The following PLCD4 variants were observed in gnomAD, a reference collection of about 807,000 sequenced individuals.
PLCD4 encodes the protein 1-phosphatidylinositol 4,5-bisphosphate phosphodiesterase delta-4.
A neutral mutation model predicts 90.2 loss-of-function variants in PLCD4; 63 were observed. The ratio of observed to expected loss-of-function variants is 0.70; its 90% CI spans 0.57 to 0.86. The LOEUF (loss-of-function observed/expected upper bound fraction) is 0.86. Among genes scored for constraint, PLCD4 ranks in the 40% least tolerant of loss-of-function variants. The pLI is 0.00. For missense variants in PLCD4, 830 were observed against 956.3 expected (o/e 0.87, Z 1.74); for synonymous variants, 294 against 356.5 (o/e 0.82, Z 1.97).
intron 1 of PLCD4, 125 bp from the exon 2 acceptor site, chr2:218,615,582 T>A (rs1402643540): frequency 2.9e-6 from 2 of 682,516 alleles, no homozygotes; most frequent in Non-Finnish European, 4.7e-6. Context: ...CTTATGTGAT[T>A]TGAGGCAGGT....
intron 4 of PLCD4, among the ~76,000 whole-genome samples, chr2:218,620,918 A>G (rs1014547269): frequency 3.0e-5 from 4 of 132,596 alleles, no homozygotes; most frequent in African/African-American, 1.1e-4. Flanking sequence ...AAAAAAAAAA[A>G]GCTAAAGGAA....
intron 6 of PLCD4, 36 bp downstream of exon 6, chr2:218,622,914 G>A: frequency 6.4e-7 from 1 of 1,561,680 alleles, no homozygotes; most frequent in Non-Finnish European, 8.8e-7. Flanking sequence ...CCAGACATAG[G>A]GGTTGGAGAG....
chr2:218,614,344 G>A (rs981213630), intron 1 of PLCD4, among the ~76,000 whole-genome samples: 2 of 150,984 alleles, frequency 1.3e-5, no homozygotes, highest in African/African-American at 4.9e-5. Context: ...GTAGAGACAG[G>A]GTTTCACTGT....
rs2106167626 is a variant in PLCD4, at chr2:218,634,488, A to T, written c.1754A>T (p.Glu585Val). 6.2e-7 allele frequency: 1 copy of T among 1,613,970 alleles called. No homozygotes were observed. The highest frequency in any genetic ancestry group is 8.5e-7 in the Non-Finnish European group (1 of 1,179,854). ...VAMNMQTAGL[E>V]MDICDGHFRQ... ...ATGAATATGCAGACTGCAGGGCTTG[A>T]AATGGACATCTGTGATGGGCATTTC... Residue 585 changes from glutamate to valine, a missense_variant, in exon 13 of 16, where the codon GAA (glutamate) becomes GTA (valine). By Grantham distance (121) the Glu-to-Val change is moderately radical (BLOSUM62 -2). Coordinates refer to ENST00000450993, the MANE Select transcript of PLCD4 (RefSeq NM_032726.4). The surrounding 1 kb of genome is among the most constrained non-coding windows in gnomAD (Gnocchi z 4.0).
At chr2:218,624,057 A>T (rs1048975122) in intron 6 of PLCD4, among the ~76,000 whole-genome samples, 3 of 152,200 alleles carry the variant, frequency 2.0e-5, no homozygotes, top group African/African-American at 7.2e-5. Context: ...AAAGAGGAAA[A>T]CTGAGGTTTA....
At position 218,629,672 on chromosome 2, in the gene PLCD4, C is replaced by T; in HGVS notation, c.1119+9C>T. On this transcript the variant is annotated intron_variant, in intron 8 of 15. Transcript: ENST00000450993. ...CACAGTATGCCTTCCAGGTAGTAGCCCCAGGATGGGGACACTGGTGAGGCC... is the reference window on the plus strand; with the variant it reads ...CACAGTATGCCTTCCAGGTAGTAGCTCCAGGATGGGGACACTGGTGAGGCC... 6.2e-7 allele frequency: 1 copy of T among 1,610,384 alleles called. No homozygotes were observed. The highest frequency in any genetic ancestry group is 2.2e-5 in the East Asian group (1 of 44,786).
chr2:218,618,766 G>T lies in PLCD4; in HGVS notation c.369G>T (p.Val123=). The change falls in exon 4 of 16, where the codon GTG becomes GTT. Residue 123 remains valine (V), a synonymous_variant. Coordinates refer to ENST00000450993, the MANE Select transcript of PLCD4 (RefSeq NM_032726.4). The part of the protein sequence containing the change: ...QIWMRGLQLL[V]DLVTSMDHQE... ...GGATGCGAGGGCTCCAGCTGTTGGT[G>T]GATCTTGTCACCAGCATGGACCATC... 6.2e-7 allele frequency: 1 copy of T among 1,604,820 alleles called. No individual in the cohort carries two copies.
chr2:218,621,361 G>A, intron 4 of PLCD4, 109 bp from the exon 5 acceptor site: 1 of 1,304,282 alleles, frequency 7.7e-7, no homozygotes, highest in Non-Finnish European at 1.1e-6. Context: ...TGGCACCGGG[G>A]AGAGAGACTG....
chr2:218,609,716 TG>T (rs1009459341), intron 1 of PLCD4: 4 of 152,208 alleles, frequency 2.6e-5, no homozygotes, highest in African/African-American at 7.2e-5. Context: ...CTGGGCAGTT[TG>T]TTTGGTCAAT....
At chr2:218,625,015 G>A (rs1696044720) in intron 6 of PLCD4, among the ~76,000 whole-genome samples, 1 of 134,910 alleles carries the variant, frequency 7.4e-6, no homozygotes, top group Admixed American at 7.7e-5. Flanking sequence ...GGGAGGCTGA[G>A]ACAGGAGAAT....
At chr2:218,618,227 C>T (rs1695709784) in intron 3 of PLCD4, among the ~76,000 whole-genome samples, 1 of 152,232 alleles carries the variant, frequency 6.6e-6, no homozygotes, top group Non-Finnish European at 1.5e-5. Flanking sequence ...CTGTGATCAC[C>T]ATTGGGGCTG....
Position 218,621,675 on chromosome 2 carries a change from T to C in PLCD4, c.540+76T>C. ...TTGGCCAGAAGTCCTCTGACCCCAG[T>C]CCACAACACTCAATTGTTAAATCTC... On this transcript the variant is annotated intron_variant, in intron 5 of 15. Coordinates refer to ENST00000450993, the MANE Select transcript of PLCD4 (RefSeq NM_032726.4). 2.6e-6 allele frequency: 4 copies of C among 1,548,254 alleles called. No individual in the cohort carries two copies. The East Asian group carries it at 9.0e-5, about 35-fold the overall frequency.
At position 218,621,511 on chromosome 2, in the gene PLCD4, A is replaced by G. The variant is rs1695879681; in HGVS notation, c.452A>G (p.Asp151Gly). The stretch of plus-strand genomic sequence containing the variant: ...TTTCAACGTGGAGACAAAAATCAGG[A>G]TGGTAAGATGAGTTTCCAAGAAGTT... ...DWFQRGDKNQ[D>G]GKMSFQEVQR... Residue 151 changes from aspartate to glycine, a missense_variant, in exon 5 of 16, where the codon GAT (aspartate) becomes GGT (glycine). Coordinates refer to ENST00000450993, the MANE Select transcript of PLCD4 (RefSeq NM_032726.4). 4 of 1,613,992 alleles carry G rather than the reference A, an allele frequency of 2.5e-6. No individual in the cohort carries two copies. Among genetic ancestry groups the G allele is most frequent in the South Asian group, 1.1e-5 (1 of 91,084 alleles).
intron 5 of PLCD4, chr2:218,622,079 C>CAAAAAAAAAAA (rs35127247): frequency 4.7e-5 from 4 of 85,972 alleles, no homozygotes; most frequent in African/African-American, 9.1e-5. Flanking sequence ...GACTCTGTCT[C>CAAAAAAAAAAA]AAAAAAAAAA....
chr2:218,636,937 G>T lies in PLCD4; in HGVS notation c.*360G>T, dbSNP rs1232393738. On this transcript the variant is annotated 3_prime_UTR_variant, in exon 16 of 16. Transcript: ENST00000450993. ...AAGGCAGGTTGCAACTAGAAATTCA[G>T]AGGGGCTTGGAATAGAGAAACCTAA... 2.2e-6 allele frequency: 1 copy of T among 460,570 alleles called. No individual in the cohort carries two copies. The highest frequency in any genetic ancestry group is 4.3e-6 in the Non-Finnish European group (1 of 229,976). The allele number at this position is 460,570 out of a possible 1,614,324, so 28.5% of individuals were successfully genotyped here.
At chr2:218,614,321 T>A (rs994408414) in intron 1 of PLCD4, among the ~76,000 whole-genome samples, 4 of 148,820 alleles carry the variant, frequency 2.7e-5, no homozygotes, top group African/African-American at 9.9e-5. Flanking sequence ...GCCCAGCCTT[T>A]TGTATTTTTT....
intron 1 of PLCD4, among the ~76,000 whole-genome samples, chr2:218,608,564 A>G (rs942887446): frequency 1.3e-5 from 2 of 152,156 alleles, no homozygotes; most frequent in Admixed American, 1.3e-4. Context: ...TTCTTAGTGC[A>G]CCAGAGTGCT....
chr2:218,630,629 G>T (rs1696319879), intron 8 of PLCD4, 21 bp from the exon 9 acceptor site: 1 of 1,613,812 alleles, frequency 6.2e-7, no homozygotes, highest in African/African-American at 1.3e-5. Context: ...TGAATCCATT[G>T]TTCCCTCCCC....
At position 218,618,590 on chromosome 2, in the gene PLCD4, G is replaced by A. The variant is rs916304228; in HGVS notation, c.193G>A (p.Asp65Asn). Reference sequence around the variant, plus strand: ...TTCTTCTCTGGCAGTCTCAATCTCTGATGTGGAGACAATACGTAATGGCCA... The same window carrying A: ...TTCTTCTCTGGCAGTCTCAATCTCTAATGTGGAGACAATACGTAATGGCCA... ...GSAKPSFSISDVETIRNGHDS... is the reference protein window; with the variant it reads ...GSAKPSFSISNVETIRNGHDS... Residue 65 changes from aspartate to asparagine, a missense_variant, in exon 4 of 16, where the codon GAT becomes AAT. Asp to Asn is a conservative substitution (Grantham distance 23, BLOSUM62 1). Transcript: ENST00000450993. 4 of 1,613,876 alleles carry A rather than the reference G, an allele frequency of 2.5e-6. No homozygotes were observed. In the African/African-American group the frequency reaches 5.3e-5, roughly 22 times the overall value.
Sources: gnomAD v4.1 joint callset for allele counts (sites outside exome capture counted in the v4.1 genomes callset) on GRCh38, gnomAD v4.1.1 for gene constraint, Gnocchi (gnomAD v3.1) non-coding constraint, MANE v1.5 for transcripts, NCBI Gene and HGNC (gene_info 2026-07-23, HGNC 2026-07-21) for gene names.